MYO15A: variants seen among roughly 807,000 people sequenced by gnomAD.
MYO15A encodes myosin XVA.
In MYO15A, 308 loss-of-function variants were observed where a neutral mutation model predicts 394.6. That is an observed-to-expected ratio of 0.78 (90% CI 0.71 to 0.86). The LOEUF (loss-of-function observed/expected upper bound fraction) is 0.86. Ranked by LOEUF, MYO15A falls within the 40% of genes least tolerant of loss-of-function variation. The pLI is 0.00. For synonymous variants in MYO15A, 1,957 were observed against 2,003.8 expected (o/e 0.98, Z 0.62); for missense variants, 4,606 against 4,799.1 (o/e 0.96, Z 1.19).
In MYO15A at chr17:18,132,625, T is replaced by A; in HGVS notation, c.4320+59T>A. ...CCTGGTCCTCCCACCCCGACGCCCC[T>A]GGCTGGGCCTTGGGAGCCGAGTTGT... On this transcript the variant is annotated intron_variant, in intron 11 of 65. Transcript: ENST00000647165. The surrounding 1 kb of genome is among the most constrained non-coding windows in gnomAD (Gnocchi z 4.6). 1 of 1,434,986 alleles carries A rather than the reference T, an allele frequency of 7.0e-7. No individual in the cohort carries two copies. 88.9% of individuals were successfully genotyped at this position (1,434,986 alleles called of 1,614,324 possible).
chr17:18,154,897 C>T, intron 45 of MYO15A, 142 bp downstream of exon 45: 1 of 1,056,474 alleles, frequency 9.5e-7, no homozygotes, highest in Non-Finnish European at 1.4e-6. Context: ...TCTCTGGCCT[C>T]TCGCATGGCC....
intron 54 of MYO15A, 64 bp from the exon 55 acceptor site, chr17:18,159,542 C>T: frequency 6.5e-7 from 1 of 1,546,170 alleles, no homozygotes; most frequent in Non-Finnish European, 8.9e-7. Context: ...AGCCCTGGGG[C>T]TTCCTGGGGT....
In MYO15A at chr17:18,150,414, A is replaced by AC. The variant is rs2046558762; in HGVS notation, c.7213-12dup. The AC allele has an allele frequency of 6.2e-7, 1 of 1,611,586 alleles. No homozygotes were observed. Among genetic ancestry groups the AC allele is most frequent in the Non-Finnish European group, 8.5e-7 (1 of 1,177,916 alleles). On this transcript the variant is annotated splice_polypyrimidine_tract_variant and intron_variant, in intron 35 of 65. Transcript: ENST00000647165. This position sits in a 1 kb window ranked among gnomAD's most constrained non-coding sequence, Gnocchi z 4.4. ...CAATAATGAGATGGTCACTTGAGCC[A>AC]CCCACTGCCCCCAGGACCTGGAGAA...
intron 17 of MYO15A, among the ~76,000 whole-genome samples, 158 bp from the exon 18 acceptor site, chr17:18,138,653 C>T (rs967809869): frequency 1.2e-4 from 18 of 152,208 alleles, no homozygotes; most frequent in African/African-American, 3.4e-4. Flanking sequence ...CTAAGGCACT[C>T]GCCTTCTGAC....
chr17:18,161,673 A>G (rs2046779891), intron 57 of MYO15A, among the ~76,000 whole-genome samples: 1 of 152,168 alleles, frequency 6.6e-6, no homozygotes, highest in Non-Finnish European at 1.5e-5. Context: ...TCCTTGGAGG[A>G]AGTATTGCCC....
At position 18,150,469 on chromosome 17, in the gene MYO15A, G is replaced by T. The variant is rs377222336; in HGVS notation, c.7253G>T (p.Gly2418Val). The T allele has an allele frequency of 1.2e-6, 2 of 1,614,136 alleles. No homozygotes were observed. The highest frequency in any genetic ancestry group is 1.1e-5 in the South Asian group (1 of 91,082). ...KPTAIAYRMK[G>V]GGQPGGGSSS... ...ACAGCCATTGCCTACCGCATGAAAG[G>T]GGGAGGCCAGCCCGGTGGAGGCAGC... The change falls in exon 36 of 66, where the codon GGG becomes GTG. Residue 2418 changes from glycine to valine, a missense_variant. Around this residue, in one of 2 missense-constraint regions of MYO15A, gnomAD observed 2,776 missense variants for 3,109.3 expected, o/e 0.89. Coordinates refer to ENST00000647165, the MANE Select transcript of MYO15A (RefSeq NM_016239.4). This position sits in a 1 kb window ranked among gnomAD's most constrained non-coding sequence, Gnocchi z 4.4.
In MYO15A at chr17:18,121,130, A is replaced by G. The variant is rs967196419; in HGVS notation, c.2330A>G (p.Gln777Arg). Residue 777 changes from glutamine to arginine, a missense_variant, in exon 2 of 66, where the codon CAG (glutamine) becomes CGG (arginine). Gln to Arg is a conservative substitution (Grantham distance 43). Around this residue, in one of 2 missense-constraint regions of MYO15A, gnomAD observed 1,830 missense variants for 1,689.7 expected, o/e 1.08. Coordinates refer to ENST00000647165, the MANE Select transcript of MYO15A (RefSeq NM_016239.4). This position sits in a 1 kb window ranked among gnomAD's most constrained non-coding sequence, Gnocchi z 5.3. ...RRAWSPLASP[Q>R]PSLRSSPGLG... ...GCTTGGTCACCGCTGGCCTCGCCCCAGCCCTCGCTGAGGAGCTCGCCGGGC... is the reference window on the plus strand; with the variant it reads ...GCTTGGTCACCGCTGGCCTCGCCCCGGCCCTCGCTGAGGAGCTCGCCGGGC... 2 of 1,509,016 alleles carry G rather than the reference A, an allele frequency of 1.3e-6. No homozygotes were observed. Among genetic ancestry groups the G allele is most frequent in the African/African-American group, 1.4e-5 (1 of 69,448 alleles). The allele number at this position is 1,509,016 out of a possible 1,614,324, so 93.5% of individuals were successfully genotyped here. A position where few individuals can be genotyped will look rare whatever the true frequency, so the allele number is the denominator to read the frequency against.
Position 18,119,145 on chromosome 17 carries a change from TGGCTACGGCCGCCTG to T in MYO15A, c.346_360del (p.Gly116_Leu120del), listed in dbSNP as rs2045846092. Reference sequence around the variant, plus strand: ...TGGTGATCCGCTTCCCAGGCCGCCGTGGCTACGGCCGCCTGCGGCCGCGCGCCCGGTCACTCAGCA... The same window carrying T: ...TGGTGATCCGCTTCCCAGGCCGCCGTCGGCCGCGCGCCCGGTCACTCAGCA... On this transcript the variant is annotated inframe_deletion, in exon 2 of 66. Coordinates refer to ENST00000647165, the MANE Select transcript of MYO15A (RefSeq NM_016239.4). The T allele has an allele frequency of 6.2e-7, 1 of 1,611,736 alleles. No individual in the cohort carries two copies. Among genetic ancestry groups the T allele is most frequent in the South Asian group, 1.1e-5 (1 of 91,060 alleles).
rs774051507 is a variant in MYO15A at position 18,121,180 on chromosome 17, C to A, written c.2380C>A (p.Pro794Thr). The A allele has an allele frequency of 1.3e-6, 2 of 1,512,442 alleles. No individual in the cohort carries two copies. The highest frequency in any genetic ancestry group is 1.2e-5 in the South Asian group (1 of 81,638). 93.7% of individuals were successfully genotyped at this position (1,512,442 alleles called of 1,614,324 possible). A position where few individuals can be genotyped will look rare whatever the true frequency, so the allele number is the denominator to read the frequency against. The change falls in exon 2 of 66, where the codon CCC becomes ACC. Residue 794 changes from proline to threonine, a missense_variant. This residue lies in a region of MYO15A where 1,830 missense variants were observed against 1,689.7 expected (regional missense o/e 1.08). Coordinates refer to ENST00000647165, the MANE Select transcript of MYO15A (RefSeq NM_016239.4). The surrounding 1 kb of genome is among the most constrained non-coding windows in gnomAD (Gnocchi z 5.3). ...PGLGYCSPLA[P>T]PSPQLSLRTG... ...CCTCGGCTACTGCTCACCCTTGGCG[C>A]CCCCGTCGCCTCAGCTGTCCTTGCG...
At position 18,120,993 on chromosome 17, in the gene MYO15A, G is replaced by A; in HGVS notation, c.2193G>A (p.Val731=). 1 of 1,504,430 alleles carries A rather than the reference G, an allele frequency of 6.6e-7. No homozygotes were observed. The highest frequency in any genetic ancestry group is 8.8e-7 in the Non-Finnish European group (1 of 1,131,902). The allele number at this position is 1,504,430 out of a possible 1,614,324, so 93.2% of individuals were successfully genotyped here. A position where few individuals can be genotyped will look rare whatever the true frequency, so the allele number is the denominator to read the frequency against. The change falls in exon 2 of 66, where the codon GTG becomes GTA. Residue 731 remains valine, a synonymous_variant. Transcript: ENST00000647165. ...AGCCCCCTGCCGTGAGCCCGGAGGT[G>A]CCCCCCGACCTACTAGCCTTCCCAG... ...FVEPPAVSPE[V]PPDLLAFPGP... is the part of the protein sequence containing the mutation.
Position 18,121,580 on chromosome 17 carries a change from C to G in MYO15A, c.2780C>G (p.Pro927Arg), listed in dbSNP as rs770393118. 1.9e-6 allele frequency: 3 copies of G among 1,596,520 alleles called. No individual in the cohort carries two copies. Among genetic ancestry groups the G allele is most frequent in the Non-Finnish European group, 1.7e-6 (2 of 1,171,578 alleles). Reference protein sequence around the residue: ...ETPWTVPPLAPSWDVDMPPTQ... With the variant: ...ETPWTVPPLARSWDVDMPPTQ... ...CCCTGGACTGTGCCCCCACTGGCCC[C>G]CAGCTGGGACGTGGACATGCCTCCC... The change falls in exon 2 of 66, where the codon CCC becomes CGC. Residue 927 changes from proline (P) to arginine (R), a missense_variant. By Grantham distance (103) the Pro-to-Arg change is moderately radical. Around this residue, in one of 2 missense-constraint regions of MYO15A, gnomAD observed 1,830 missense variants for 1,689.7 expected, o/e 1.08. Transcript: ENST00000647165. The surrounding 1 kb of genome is among the most constrained non-coding windows in gnomAD (Gnocchi z 5.3).
chr17:18,120,835 C>T lies in MYO15A; in HGVS notation c.2035C>T (p.Pro679Ser). Residue 679 changes from proline (P) to serine (S), a missense_variant, in exon 2 of 66, where the codon CCG becomes TCG. Physicochemically the swap from Pro to Ser is moderately conservative, Grantham distance 74. Coordinates refer to ENST00000647165, the MANE Select transcript of MYO15A (RefSeq NM_016239.4). ...AAGCTCCGGGCCCCCGCCCGCGCCG[C>T]CGCTCTCCCCGGCGCTCTCGGGCCT... ...PPSSGPPPAP[P>S]LSPALSGLPR... is the part of the protein sequence containing the mutation. The T allele has an allele frequency of 1.7e-6, 2 of 1,170,490 alleles. No homozygotes were observed. The highest frequency in any genetic ancestry group is 2.1e-6 in the Non-Finnish European group (2 of 948,584). 72.5% of individuals were successfully genotyped at this position (1,170,490 alleles called of 1,614,324 possible).
In MYO15A at chr17:18,179,792, G is replaced by C. The variant is rs2047064046; in HGVS notation, c.*922G>C. ...CATATGAATGAAAAAATAAACGAGT[G>C]AATGTTGATAGAAAGTGCTGGTGCT... On this transcript the variant is annotated 3_prime_UTR_variant, in exon 66 of 66. Transcript: ENST00000647165. 6.6e-6 allele frequency: 1 copy of C among 152,186 alleles called. No homozygotes were observed. The allele number at this position is 152,186 out of a possible 1,614,324, so 9.4% of individuals were successfully genotyped here.
rs2046193702 is a variant in MYO15A, at chr17:18,132,873, A to G, written c.4320+307A>G. 6.6e-6 allele frequency among the ~76,000 whole-genome samples: 1 copy of G among 152,230 alleles called. No homozygotes were observed. Among genetic ancestry groups the G allele is most frequent in the African/African-American group, 2.4e-5 (1 of 41,462 alleles). ...TTTCCTCACCTGTAAAATGGGGACAACATAGTACCACTTTGCAGGGATGTA... is the reference window on the plus strand; with the variant it reads ...TTTCCTCACCTGTAAAATGGGGACAGCATAGTACCACTTTGCAGGGATGTA... On this transcript the variant is annotated intron_variant, in intron 11 of 65. Coordinates refer to ENST00000647165, the MANE Select transcript of MYO15A (RefSeq NM_016239.4). The surrounding 1 kb of genome is among the most constrained non-coding windows in gnomAD (Gnocchi z 4.6).
chr17:18,146,826 G>C (rs1292091124), intron 30 of MYO15A, among the ~76,000 whole-genome samples: 2 of 152,188 alleles, frequency 1.3e-5, no homozygotes, highest in Non-Finnish European at 2.9e-5. Context: ...TCAAGAGGTT[G>C]AGGCAAGAGC....
In MYO15A at chr17:18,148,849, G is replaced by A; in HGVS notation, c.6853G>A (p.Asp2285Asn). The stretch of plus-strand genomic sequence containing the variant: ...GCTGGCTGGCCACGACTACGTGTTA[G>A]ACCTGGTGTCGGACCTGGAGCTGCT... Reference protein sequence around the residue: ...AELAGHDYVLDLVSDLELLRD... With the variant: ...AELAGHDYVLNLVSDLELLRD... Residue 2285 changes from aspartate to asparagine, a missense_variant, in exon 33 of 66, where the codon GAC (aspartate) becomes AAC (asparagine). Coordinates refer to ENST00000647165, the MANE Select transcript of MYO15A (RefSeq NM_016239.4). The surrounding 1 kb of genome is among the most constrained non-coding windows in gnomAD (Gnocchi z 4.8). The A allele has an allele frequency of 6.2e-7, 1 of 1,607,896 alleles. No individual in the cohort carries two copies. The highest frequency in any genetic ancestry group is 1.1e-5 in the South Asian group (1 of 89,752).
chr17:18,112,269 C>T (rs540990318), intron 1 of MYO15A, among the ~76,000 whole-genome samples: 1 of 137,262 alleles, frequency 7.3e-6, no homozygotes, highest in East Asian at 2.5e-4. Flanking sequence ...TGTTACATGA[C>T]ACTGGGGTGG....
rs2046557565 is a variant in MYO15A at position 18,150,347 on chromosome 17, A to G, written c.7213-82A>G. On this transcript the variant is annotated intron_variant, in intron 35 of 65. Coordinates refer to ENST00000647165, the MANE Select transcript of MYO15A (RefSeq NM_016239.4). The surrounding 1 kb of genome is among the most constrained non-coding windows in gnomAD (Gnocchi z 4.4). ...CCCCTCCCACGAGAGGGTGGGGAAGAGGCCAGTGTCAGGTGCCTGTTGCCA... is the reference window on the plus strand; with the variant it reads ...CCCCTCCCACGAGAGGGTGGGGAAGGGGCCAGTGTCAGGTGCCTGTTGCCA... 7.9e-7 allele frequency: 1 copy of G among 1,259,244 alleles called. No individual in the cohort carries two copies. Among genetic ancestry groups the G allele is most frequent in the Non-Finnish European group, 1.2e-6 (1 of 862,172 alleles). The allele number at this position is 1,259,244 out of a possible 1,614,324, so 78.0% of individuals were successfully genotyped here.
At chr17:18,157,931 G>GGGGGGGGGGGGGGGCC in intron 51 of MYO15A, 31 bp downstream of exon 51, 1 of 412,720 alleles carries the variant, frequency 2.4e-6, no homozygotes, top group African/African-American at 2.1e-5. Flanking sequence ...GTGGGGCGGG[G>GGGGGGGGGGGGGGGCC]TAGACCAGGG....
Sources: gnomAD v4.1 joint callset for allele counts (sites outside exome capture counted in the v4.1 genomes callset) on GRCh38, gnomAD v4.1.1 for gene constraint, gnomAD v4.1.1 regional missense constraint, Gnocchi (gnomAD v3.1) non-coding constraint, MANE v1.5 for transcripts, NCBI Gene and HGNC (gene_info 2026-07-23, HGNC 2026-07-21) for gene names.